SEMA3A: variants seen among roughly 807,000 people sequenced by gnomAD.
The protein encoded by SEMA3A is semaphorin-3A.
In SEMA3A, 29 loss-of-function variants were observed where a neutral mutation model predicts 97.9. That is an observed-to-expected ratio of 0.30 (90% confidence interval 0.22 to 0.40). SEMA3A has a LOEUF of 0.40. SEMA3A is among the 10% of genes least tolerant of loss of function. SEMA3A has a pLI of 1.00. For synonymous variants in SEMA3A, 321 were observed against 323.7 expected (o/e 0.99, Z 0.09); for missense variants, 763 against 951.3 (o/e 0.80, Z 2.60).
chr7:84,070,162 T>C (rs1793686945), intron 4 of SEMA3A, among the ~76,000 whole-genome samples: 1 of 152,180 alleles, frequency 6.6e-6, no homozygotes, highest in African/African-American at 2.4e-5. Flanking sequence ...AATAAAACTT[T>C]AGCTATACTG....
At chr7:83,994,420 C>T (rs368404014) in intron 12 of SEMA3A, among the ~76,000 whole-genome samples, 2 of 121,202 alleles carry the variant, frequency 1.7e-5, no homozygotes, top group African/African-American at 3.0e-5. Flanking sequence ...AGTTTTTCTG[C>T]TCTGTTTTTT....
At chr7:84,223,396 T>C (rs1420312856) in intron 3 of SEMA3A, among the ~76,000 whole-genome samples, 1 of 151,874 alleles carries the variant, frequency 6.6e-6, no homozygotes, top group Non-Finnish European at 1.5e-5. Flanking sequence ...TTATCTGTAA[T>C]ATTGTCTTTG....
chr7:84,170,725 T>C (rs753197295), intron 1 of SEMA3A, among the ~76,000 whole-genome samples: 1 of 152,090 alleles, frequency 6.6e-6, no homozygotes, highest in Non-Finnish European at 1.5e-5. Context: ...ATGTGTACAA[T>C]TGATCCTCAT....
chr7:84,301,392 T>C (rs1801013922), intron 3 of SEMA3A, among the ~76,000 whole-genome samples: 1 of 152,006 alleles, frequency 6.6e-6, no homozygotes, highest in Non-Finnish European at 1.5e-5. Flanking sequence ...AATTCAATAA[T>C]AAGGCCAGAA....
At chr7:84,220,382 T>G (rs1375201899) in intron 3 of SEMA3A, among the ~76,000 whole-genome samples, 4 of 152,182 alleles carry the variant, frequency 2.6e-5, no homozygotes, top group African/African-American at 7.2e-5. Flanking sequence ...ATCGACTTCT[T>G]CCAAACTTGT....
chr7:83,964,518 G>A (rs2116259515), intron 15 of SEMA3A, among the ~76,000 whole-genome samples: 2 of 152,204 alleles, frequency 1.3e-5, no homozygotes, highest in South Asian at 4.2e-4. Flanking sequence ...CTTCAAAAAT[G>A]CTACTCCCAT....
chr7:84,265,222 T>C (rs1001004689), intron 3 of SEMA3A, among the ~76,000 whole-genome samples: 2 of 152,052 alleles, frequency 1.3e-5, no homozygotes, highest in East Asian at 3.9e-4. Context: ...ACTTCTAAGC[T>C]ATTACTTTTG....
intron 2 of SEMA3A, among the ~76,000 whole-genome samples, chr7:84,343,132 T>C (rs540711677): frequency 6.6e-6 from 1 of 152,290 alleles, no homozygotes; most frequent in East Asian, 1.9e-4. Flanking sequence ...AGCATTTTAG[T>C]AAATTTTGCA....
intron 12 of SEMA3A, among the ~76,000 whole-genome samples, chr7:83,987,686 T>C (rs754999445): frequency 6.6e-6 from 1 of 152,218 alleles, no homozygotes; most frequent in Non-Finnish European, 1.5e-5. Context: ...ACGAATTCTT[T>C]ACCAATGTTC....
At chr7:84,087,062 C>A (rs936244232) in intron 4 of SEMA3A, among the ~76,000 whole-genome samples, 1 of 151,998 alleles carries the variant, frequency 6.6e-6, no homozygotes, top group African/African-American at 2.4e-5. Flanking sequence ...TATTATGCAA[C>A]AAAGATGGTA....
At chr7:84,194,279 A>C (rs1376279506) in intron 1 of SEMA3A, among the ~76,000 whole-genome samples, 196 bp downstream of exon 1, 1 of 152,078 alleles carries the variant, frequency 6.6e-6, no homozygotes, top group Non-Finnish European at 1.5e-5. Flanking sequence ...GTTTGCATTT[A>C]AGTTGTCATA....
chr7:84,043,187 T>C (rs1792212119), intron 6 of SEMA3A, among the ~76,000 whole-genome samples: 1 of 152,028 alleles, frequency 6.6e-6, no homozygotes, highest in Admixed American at 6.6e-5. Flanking sequence ...CATGTTAAAA[T>C]GTAAAATACA....
chr7:84,223,579 C>G (rs1395745018), intron 3 of SEMA3A, among the ~76,000 whole-genome samples: 1 of 151,760 alleles, frequency 6.6e-6, no homozygotes, highest in Non-Finnish European at 1.5e-5. Context: ...CAAAATTCAA[C>G]TCAATATACA....
chr7:84,278,363 T>C (rs1800362388), intron 3 of SEMA3A, among the ~76,000 whole-genome samples: 1 of 152,122 alleles, frequency 6.6e-6, no homozygotes, highest in Admixed American at 6.6e-5. Flanking sequence ...TTCCCTTCTC[T>C]TCCCTGTCTT....
chr7:84,439,032 G>T (rs575335753), intron 1 of SEMA3A, among the ~76,000 whole-genome samples: 3 of 151,426 alleles, frequency 2.0e-5, no homozygotes, highest in African/African-American at 7.3e-5. Flanking sequence ...TGAGCAGGTT[G>T]ATACAGCAGT....
intron 10 of SEMA3A, among the ~76,000 whole-genome samples, chr7:84,006,959 T>C (rs1790692670): frequency 6.6e-6 from 1 of 152,100 alleles, no homozygotes; most frequent in African/African-American, 2.4e-5. Flanking sequence ...ATTATAAAAT[T>C]AAGGTTATAG....
intron 6 of SEMA3A, among the ~76,000 whole-genome samples, chr7:84,044,180 T>TG (rs1792253883): frequency 1.3e-5 from 2 of 151,770 alleles, no homozygotes; most frequent in South Asian, 2.1e-4. Context: ...AAGAGAGTTT[T>TG]TTTTTCCTAC....
At chr7:84,002,600 T>C (rs917143219) in intron 11 of SEMA3A, among the ~76,000 whole-genome samples, 2 of 152,176 alleles carry the variant, frequency 1.3e-5, no homozygotes, top group South Asian at 2.1e-4. Flanking sequence ...CATCTAAAAG[T>C]CTTTAGCACT....
upstream of SEMA3A, among the ~76,000 whole-genome samples, chr7:84,197,202 TA>T (rs764118879): frequency 3.0e-4 from 46 of 152,190 alleles, no homozygotes; most frequent in Non-Finnish European, 5.0e-4. Context: ...CGATTTTTTA[TA>T]AACTATGATA....
Sources: gnomAD v4.1 joint callset for allele counts (sites outside exome capture counted in the v4.1 genomes callset) on GRCh38, gnomAD v4.1.1 for gene constraint, MANE v1.5 for transcripts, NCBI Gene and HGNC (gene_info 2026-07-23, HGNC 2026-07-21) for gene names.